The following HDAC1 variants were observed in gnomAD, a reference collection of about 807,000 sequenced individuals.
HDAC1 encodes histone deacetylase 1.
A neutral mutation model predicts 65.5 loss-of-function variants in HDAC1; 18 were observed. That is an observed-to-expected ratio of 0.27 (90% CI 0.19 to 0.41). The LOEUF (loss-of-function observed/expected upper bound fraction) is 0.41, where lower values mean the gene tolerates loss of function less well. Among genes scored for constraint, HDAC1 ranks in the 10% least tolerant of loss-of-function variants. HDAC1 has a pLI of 1.00. For missense variants in HDAC1, 373 were observed against 625.2 expected, an observed-to-expected ratio of 0.60 and a Z score of 4.30; for synonymous variants, 211 against 227.9, an observed-to-expected ratio of 0.93 and a Z score of 0.67.
At position 32,330,583 on chromosome 1, in the gene HDAC1, G is replaced by A; in HGVS notation, c.735G>A (p.Met245Ile). ...ACCAGGATGTATCATTTTAGGTCAT[G>A]TCCAAAGTAATGGAGATGTTCCAGC... is the stretch of plus-strand genomic sequence containing the variant. ...ESYEAIFKPV[M>I]SKVMEMFQPS... Residue 245 changes from methionine (M) to isoleucine (I), a missense_variant, in exon 8 of 14, where the codon ATG becomes ATA. Around this residue, in one of 4 missense-constraint regions of HDAC1, gnomAD observed 105 missense variants for 192.6 expected, o/e 0.55. Transcript: ENST00000373548. This position sits in a 1 kb window ranked among gnomAD's most constrained non-coding sequence, Gnocchi z 4.2. The A allele has an allele frequency of 1.2e-6, 2 of 1,610,326 alleles. No individual in the cohort carries two copies. Among genetic ancestry groups the A allele is most frequent in the East Asian group, 2.2e-5 (1 of 44,856 alleles).
chr1:32,324,735 TGAG>T (rs889831556), intron 4 of HDAC1, among the ~76,000 whole-genome samples, 182 bp downstream of exon 4: 6 of 152,064 alleles, frequency 3.9e-5, no homozygotes, highest in Non-Finnish European at 5.9e-5. Context: ...TTTGAGAGGC[TGAG>T]GAGGAGGATT....
rs1255703772 is a variant in HDAC1 at position 32,333,239 on chromosome 1, C to T, written c.*195C>T. 6 of 478,270 alleles carry T rather than the reference C, an allele frequency of 1.3e-5. No individual in the cohort carries two copies. The highest frequency in any genetic ancestry group is 2.0e-5 in the African/African-American group (1 of 50,376). 29.6% of individuals were successfully genotyped at this position (478,270 alleles called of 1,614,324 possible). A position where few individuals can be genotyped will look rare whatever the true frequency, so the allele number is the denominator to read the frequency against. Reference sequence around the variant, plus strand: ...GCTCTTCCAGGAGCCACCTTGCCACCCATTCTTCCCGTTCTTAACTTTGAA... The same window carrying T: ...GCTCTTCCAGGAGCCACCTTGCCACTCATTCTTCCCGTTCTTAACTTTGAA... On this transcript the variant is annotated 3_prime_UTR_variant, in exon 14 of 14. Coordinates refer to ENST00000373548, the MANE Select transcript of HDAC1 (RefSeq NM_004964.3).
intron 2 of HDAC1, among the ~76,000 whole-genome samples, chr1:32,315,433 A>G (rs1334674392): frequency 1.3e-5 from 2 of 151,306 alleles, no homozygotes; most frequent in Non-Finnish European, 2.9e-5. Flanking sequence ...GCTCACTGCA[A>G]CCTCCACCTC....
intron 1 of HDAC1, among the ~76,000 whole-genome samples, chr1:32,298,795 C>G (rs1030491254): frequency 6.6e-6 from 1 of 151,850 alleles, no homozygotes; most frequent in African/African-American, 2.4e-5. Context: ...GTCAGGAGTT[C>G]AAGACAAGCC....
chr1:32,294,321 G>C (rs924146991), intron 1 of HDAC1, among the ~76,000 whole-genome samples: 2 of 150,686 alleles, frequency 1.3e-5, no homozygotes, highest in Admixed American at 1.3e-4. Flanking sequence ...GCTAGTTTTT[G>C]TATTTTTATT....
chr1:32,323,268 T>A (rs1641173362), intron 3 of HDAC1, among the ~76,000 whole-genome samples: 2 of 151,302 alleles, frequency 1.3e-5, no homozygotes, highest in Admixed American at 1.3e-4. Context: ...TTCACTATAC[T>A]CCAGCCTGGG....
chr1:32,297,389 A>G (rs1640782788), intron 1 of HDAC1, among the ~76,000 whole-genome samples: 1 of 152,132 alleles, frequency 6.6e-6, no homozygotes, highest in African/African-American at 2.4e-5. Flanking sequence ...CTACAAAACA[A>G]CACAAAAAAA....
chr1:32,316,572 C>T, intron 2 of HDAC1, 93 bp from the exon 3 acceptor site: 3 of 751,404 alleles, frequency 4.0e-6, no homozygotes, highest in South Asian at 3.0e-5. Flanking sequence ...GCACCTAGCT[C>T]CATGCTGCGC....
intron 3 of HDAC1, among the ~76,000 whole-genome samples, chr1:32,323,251 A>G (rs1427327860): frequency 6.6e-6 from 1 of 152,054 alleles, no homozygotes; most frequent in South Asian, 2.1e-4. Context: ...CAGTGAGCCA[A>G]GATCACTTCA....
chr1:32,309,744 T>G (rs1173538866), intron 2 of HDAC1, among the ~76,000 whole-genome samples: 3 of 151,674 alleles, frequency 2.0e-5, no homozygotes, highest in Non-Finnish European at 4.4e-5. Flanking sequence ...CAGTGGCTAT[T>G]CCTAGGTGAG....
chr1:32,325,856 T>C (rs569021395), intron 4 of HDAC1, among the ~76,000 whole-genome samples: 22 of 152,144 alleles, frequency 1.4e-4, no homozygotes, highest in Admixed American at 1.1e-3. Flanking sequence ...TGAAACCCCA[T>C]CTATACTAAA....
chr1:32,324,701 G>A lies in HDAC1; in HGVS notation c.355+148G>A, dbSNP rs1460422713. 6.1e-6 allele frequency: 4 copies of A among 657,086 alleles called. No homozygotes were observed. In the African/African-American group the frequency reaches 7.2e-5, roughly 12 times the overall value. The allele number at this position is 657,086 out of a possible 1,614,324, so 40.7% of individuals were successfully genotyped here. On this transcript the variant is annotated intron_variant, in intron 4 of 13. Transcript: ENST00000373548. Reference sequence around the variant, plus strand: ...AAGTCTCTAAAATGGCTGGTGTAGTGTCTCACACCTGTAATCCCAGCACTT... The same window carrying A: ...AAGTCTCTAAAATGGCTGGTGTAGTATCTCACACCTGTAATCCCAGCACTT...
At chr1:32,317,317 G>A (rs568531232) in intron 3 of HDAC1, among the ~76,000 whole-genome samples, 1 of 152,146 alleles carries the variant, frequency 6.6e-6, no homozygotes, top group South Asian at 2.1e-4. Flanking sequence ...TCCCATCTTG[G>A]AAGCCACGCT....
intron 1 of HDAC1, chr1:32,292,541 A>G: frequency 1.7e-6 from 1 of 588,036 alleles, no homozygotes; most frequent in Non-Finnish European, 2.1e-6. Context: ...TCTGATGGAG[A>G]CGGCTGCAAG....
At position 32,329,272 on chromosome 1, in the gene HDAC1, G is replaced by T. The variant is rs1311111455; in HGVS notation, c.729+112G>T. On this transcript the variant is annotated intron_variant, in intron 7 of 13. Transcript: ENST00000373548. This position sits in a 1 kb window ranked among gnomAD's most constrained non-coding sequence, Gnocchi z 4.1. ...AATCTCTCCTTACTAAAGCTGGTGG[G>T]GAGATAGAAGTGTTTGAACCCTGGA... 2.7e-6 allele frequency: 2 copies of T among 748,010 alleles called. No individual in the cohort carries two copies. Among genetic ancestry groups the T allele is most frequent in the East Asian group, 5.0e-5 (2 of 39,840 alleles). 46.3% of individuals were successfully genotyped at this position (748,010 alleles called of 1,614,324 possible).
chr1:32,313,876 G>A (rs768222995), intron 2 of HDAC1, among the ~76,000 whole-genome samples: 6 of 152,172 alleles, frequency 3.9e-5, no homozygotes, highest in Non-Finnish European at 7.3e-5. Context: ...ATGGAATGGC[G>A]TCCTGTCCAA....
At chr1:32,324,694 G>A (rs147790303) in intron 4 of HDAC1, 141 bp downstream of exon 4, 14 of 678,472 alleles carry the variant, frequency 2.1e-5, no homozygotes, top group Non-Finnish European at 2.9e-5. Context: ...AAAATGGCTG[G>A]TGTAGTGTCT....
chr1:32,309,352 G>A (rs1490487689), intron 2 of HDAC1, among the ~76,000 whole-genome samples: 5 of 152,094 alleles, frequency 3.3e-5, no homozygotes, highest in African/African-American at 9.7e-5. Context: ...CTTTTTGGGG[G>A]AATTGGCTTT....
At chr1:32,294,688 G>A (rs1182233443) in intron 1 of HDAC1, among the ~76,000 whole-genome samples, 3 of 151,120 alleles carry the variant, frequency 2.0e-5, no homozygotes, top group African/African-American at 7.3e-5. Context: ...CTGATTTTTT[G>A]TATTTTTAGT....
Sources: allele counts gnomAD v4.1 joint callset (sites outside exome capture counted in the v4.1 genomes callset), GRCh38; gene constraint gnomAD v4.1.1; regional missense constraint gnomAD v4.1.1; non-coding constraint Gnocchi (gnomAD v3.1); transcripts MANE v1.5; gene names NCBI Gene and HGNC (gene_info 2026-07-23, HGNC 2026-07-21).